IFTAP: variants seen among roughly 807,000 people sequenced by gnomAD.
The protein encoded by IFTAP is intraflagellar transport associated protein.
IFTAP carries 19 observed loss-of-function variants against 19.4 expected under a neutral mutation model. That is an observed-to-expected ratio of 0.98 (90% CI 0.68 to 1.44). IFTAP has a LOEUF of 1.44. Ranked by LOEUF, IFTAP falls within the 40% of genes most tolerant of loss-of-function variation. The probability of loss-of-function intolerance (pLI) is 0.00; values close to 1 mark genes in which losing one functional copy is unlikely to be tolerated. For synonymous variants in IFTAP, 85 were observed against 83.5 expected, an observed-to-expected ratio of 1.02 and a Z score of -0.10; for missense variants, 240 against 253.6, an observed-to-expected ratio of 0.95 and a Z score of 0.36.
Position 36,610,115 on chromosome 11 carries a change from T to C in IFTAP, c.12T>C (p.His4=). 6.2e-7 allele frequency: 1 copy of C among 1,613,130 alleles called. No individual in the cohort carries two copies. The highest frequency in any genetic ancestry group is 1.1e-5 in the South Asian group (1 of 90,982). The stretch of plus-strand genomic sequence containing the variant: ...CCTCATGAATAGGAATGTCTGCCCA[T>C]ATGTCAGGATTGGAAATAATGGATG... The part of the protein sequence containing the change: MSA[H]MSGLEIMDED... The change falls in exon 2 of 6, where the codon CAT becomes CAC. Residue 4 remains histidine (H), a synonymous_variant. Transcript: ENST00000334307.
intron 1 of IFTAP, among the ~76,000 whole-genome samples, chr11:36,607,658 G>C (rs1231873640): frequency 6.7e-6 from 1 of 148,470 alleles, no homozygotes; most frequent in African/African-American, 2.6e-5. Context: ...GACCTGTACA[G>C]TTGTAATCCC....
At chr11:36,631,770 A>C (rs1242341675) in intron 2 of IFTAP, among the ~76,000 whole-genome samples, 1 of 151,086 alleles carries the variant, frequency 6.6e-6, no homozygotes, top group Non-Finnish European at 1.5e-5. Flanking sequence ...CTGCCACTTG[A>C]CTTTTTTTGA....
chr11:36,622,397 T>TTA (rs1305258696), intron 2 of IFTAP, among the ~76,000 whole-genome samples: 1 of 152,138 alleles, frequency 6.6e-6, no homozygotes, highest in Non-Finnish European at 1.5e-5. Context: ...GGACATGATC[T>TTA]TACGGTGAAG....
intron 3 of IFTAP, among the ~76,000 whole-genome samples, 172 bp downstream of exon 3, chr11:36,633,610 A>G (rs897867259): frequency 6.6e-6 from 1 of 152,144 alleles, no homozygotes; most frequent in East Asian, 1.9e-4. Context: ...CATATATTTC[A>G]TAATGTTGAC....
chr11:36,643,199 C>T (rs1042420706), intron 4 of IFTAP, among the ~76,000 whole-genome samples: 3 of 152,200 alleles, frequency 2.0e-5, no homozygotes, highest in African/African-American at 7.2e-5. Flanking sequence ...CATTCTTATA[C>T]ACCAATAACT....
At chr11:36,618,120 T>C (rs1379037074) in intron 2 of IFTAP, among the ~76,000 whole-genome samples, 1 of 152,028 alleles carries the variant, frequency 6.6e-6, no homozygotes, top group African/African-American at 2.4e-5. Flanking sequence ...TAGCTTGCTA[T>C]TGTGGACTGA....
At chr11:36,628,908 G>A (rs1308261936) in intron 2 of IFTAP, among the ~76,000 whole-genome samples, 4 of 151,128 alleles carry the variant, frequency 2.6e-5, no homozygotes, top group South Asian at 4.2e-4. Flanking sequence ...ATTCCTGACT[G>A]GCCAGACTGA....
chr11:36,606,441 CTAAA>C (rs3084303), intron 1 of IFTAP, among the ~76,000 whole-genome samples: 9 of 151,780 alleles, frequency 5.9e-5, no homozygotes, highest in Admixed American at 2.6e-4. Flanking sequence ...TACTCTGTCT[CTAAA>C]TAAATAAATA....
At chr11:36,607,520 T>G (rs1407001825) in intron 1 of IFTAP, among the ~76,000 whole-genome samples, 2 of 152,128 alleles carry the variant, frequency 1.3e-5, no homozygotes, top group East Asian at 3.8e-4. Context: ...CTGAGTAGAA[T>G]AAAAGGCATA....
At chr11:36,620,333 T>G (rs1448658383) in intron 2 of IFTAP, among the ~76,000 whole-genome samples, 1 of 151,968 alleles carries the variant, frequency 6.6e-6, no homozygotes, top group African/African-American at 2.4e-5. Context: ...ATTAACCTGT[T>G]TTTTCTCTTT....
At chr11:36,611,754 G>A (rs965088248) in intron 2 of IFTAP, among the ~76,000 whole-genome samples, 13 of 151,894 alleles carry the variant, frequency 8.6e-5, no homozygotes, top group African/African-American at 2.4e-4. Flanking sequence ...TAACTTTGAC[G>A]CTGACTGTGA....
At position 36,610,250 on chromosome 11, in the gene IFTAP, G is replaced by A. The variant is rs375243176; in HGVS notation, c.136+11G>A. ...CTCATCTTTCACAAGGTAAAATGGA[G>A]AAGTAAACTTTCTGCAGCAATGGAG... On this transcript the variant is annotated intron_variant, in intron 2 of 5. Transcript: ENST00000334307. 1 of 1,591,080 alleles carries A rather than the reference G, an allele frequency of 6.3e-7. No individual in the cohort carries two copies. The highest frequency in any genetic ancestry group is 2.2e-5 in the East Asian group (1 of 44,564).
intron 4 of IFTAP, among the ~76,000 whole-genome samples, chr11:36,641,309 G>A (rs1360535670): frequency 1.3e-5 from 2 of 151,994 alleles, no homozygotes; most frequent in Non-Finnish European, 2.9e-5. Context: ...TATTAGTAAT[G>A]ATTCCAATAT....
rs892894264 is a variant in IFTAP, at chr11:36,625,205, C to T, written c.137-8079C>T. The stretch of plus-strand genomic sequence containing the variant: ...ATGTGTAAAATAGATATAATAACTT[C>T]TACTTCATTAAGTTGTTATTAGGAT... On this transcript the variant is annotated intron_variant, in intron 2 of 5. Coordinates refer to ENST00000334307, the MANE Select transcript of IFTAP (RefSeq NM_138787.4). Among the ~76,000 whole-genome samples the T allele has an allele frequency of 5.3e-5, 8 of 151,928 alleles. No homozygotes were observed. In the East Asian group the frequency reaches 1.5e-3, roughly 29 times the overall value.
intron 2 of IFTAP, among the ~76,000 whole-genome samples, chr11:36,614,794 A>C (rs1260676611): frequency 6.7e-6 from 1 of 149,258 alleles, no homozygotes; most frequent in African/African-American, 2.5e-5. Context: ...AATTTGTTTG[A>C]GTTCATTGTA....
chr11:36,641,955 C>G (rs946396557), intron 4 of IFTAP, among the ~76,000 whole-genome samples: 13 of 152,028 alleles, frequency 8.6e-5, no homozygotes, highest in African/African-American at 3.1e-4. Flanking sequence ...AATCTGGGTG[C>G]TCCTGTATTG....
chr11:36,611,617 C>T (rs192677403), intron 2 of IFTAP, among the ~76,000 whole-genome samples: 1 of 151,862 alleles, frequency 6.6e-6, no homozygotes, highest in Non-Finnish European at 1.5e-5. Context: ...TGATTCTAAC[C>T]TGTTTCTTTT....
At chr11:36,656,321 G>A (rs1281819007) in intron 5 of IFTAP, among the ~76,000 whole-genome samples, 4 of 152,168 alleles carry the variant, frequency 2.6e-5, no homozygotes, top group Non-Finnish European at 5.9e-5. Flanking sequence ...TGTAATCCCA[G>A]CACTCTGGGA....
chr11:36,635,963 GTGT>G (rs1460042482), intron 3 of IFTAP, 85 bp from the exon 4 acceptor site: 1 of 811,584 alleles, frequency 1.2e-6, no homozygotes, highest in Non-Finnish European at 2.1e-6. Flanking sequence ...GCTCAGTTAG[GTGT>G]TGTGGAAGTG....
Sources: allele counts gnomAD v4.1 joint callset (sites outside exome capture counted in the v4.1 genomes callset), GRCh38; gene constraint gnomAD v4.1.1; transcripts MANE v1.5; gene names NCBI Gene and HGNC (gene_info 2026-07-23, HGNC 2026-07-21).